The following NALF1 variants were observed in gnomAD, a reference collection of about 807,000 sequenced individuals.
NALF1 encodes the protein NALCN channel auxiliary factor 1.
Under a neutral mutation model 48.4 loss-of-function variants are expected in NALF1, and 3 were observed. That is an observed-to-expected ratio of 0.06 (90% CI 0.03 to 0.16). NALF1 has a LOEUF of 0.16. Among genes scored for constraint, NALF1 ranks in the 10% least tolerant of loss-of-function variants. NALF1 has a pLI of 1.00. For synonymous variants in NALF1, 262 were observed against 245.7 expected (o/e 1.07, Z -0.62); for missense variants, 526 against 571.5 (o/e 0.92, Z 0.81).
chr13:107,521,261 T>C (rs549078020), intron 1 of NALF1, among the ~76,000 whole-genome samples: 5 of 152,288 alleles, frequency 3.3e-5, no homozygotes, highest in Admixed American at 6.5e-5. Context: ...AGAAAATTCA[T>C]CCAGAGAAAA....
chr13:107,438,827 C>CAAAAAAAAAAATAAA lies in NALF1; in HGVS notation c.916-228073_916-228072insTTTATTTTTTTTTTT, dbSNP rs565938108. Among the ~76,000 whole-genome samples, 8 of 17,940 alleles carry CAAAAAAAAAAATAAA rather than the reference C, an allele frequency of 4.5e-4. 1 individual carries two copies. Among genetic ancestry groups the CAAAAAAAAAAATAAA allele is most frequent in the Non-Finnish European group, 8.4e-4 (8 of 9,528 alleles). The allele number at this position is 17,940 out of a possible 152,430, so 11.8% of individuals were successfully genotyped here. A position where few individuals can be genotyped will look rare whatever the true frequency, so the allele number is the denominator to read the frequency against. ...TGGATGACAGAGTGAGACTCCATCT[C>CAAAAAAAAAAATAAA]AAAAAAAAAAAAAAAAAAAAAAAAG... On this transcript the variant is annotated intron_variant, in intron 1 of 2. Transcript: ENST00000375915.
chr13:107,292,992 C>CTTTTTCTTTTTTTTTTTTT (rs745529749), intron 1 of NALF1, among the ~76,000 whole-genome samples: 3 of 110,678 alleles, frequency 2.7e-5, no homozygotes, highest in Non-Finnish European at 3.6e-5. Context: ...TTTTCTTTTT[C>CTTTTTCTTTTTTTTTTTTT]TTTTTTTTTT....
chr13:107,271,940 G>C (rs1178665532), intron 1 of NALF1, among the ~76,000 whole-genome samples: 1 of 151,302 alleles, frequency 6.6e-6, no homozygotes, highest in East Asian at 1.9e-4. Flanking sequence ...CTCTCTATAT[G>C]TTATAAGTAA....
At chr13:107,677,318 AG>A (rs1881157801) in intron 1 of NALF1, among the ~76,000 whole-genome samples, 1 of 152,226 alleles carries the variant, frequency 6.6e-6, no homozygotes, top group Non-Finnish European at 1.5e-5. Flanking sequence ...CTGGGATTAC[AG>A]GCATGAGCCA....
intron 1 of NALF1, among the ~76,000 whole-genome samples, chr13:107,392,463 G>A (rs1337811433): frequency 6.6e-6 from 1 of 152,086 alleles, no homozygotes; most frequent in Non-Finnish European, 1.5e-5. Flanking sequence ...TCTGATAGCA[G>A]AGATAGCCCT....
intron 1 of NALF1, among the ~76,000 whole-genome samples, chr13:107,792,211 T>A (rs191880169): frequency 6.6e-6 from 1 of 152,324 alleles, no homozygotes; most frequent in East Asian, 1.9e-4. Flanking sequence ...TCCTATTTGA[T>A]CCATACTAAA....
At chr13:107,765,609 A>C (rs1288823110) in intron 1 of NALF1, among the ~76,000 whole-genome samples, 1 of 152,136 alleles carries the variant, frequency 6.6e-6, no homozygotes, top group Non-Finnish European at 1.5e-5. Flanking sequence ...GATAGATTTA[A>C]AAGTGAAATT....
chr13:107,284,173 A>G (rs1420303648), intron 1 of NALF1, among the ~76,000 whole-genome samples: 1 of 152,098 alleles, frequency 6.6e-6, no homozygotes, highest in East Asian at 1.9e-4. Flanking sequence ...AAGCACTTAG[A>G]TATACAGGGG....
At chr13:107,588,672 C>T (rs749150069) in intron 1 of NALF1, among the ~76,000 whole-genome samples, 4 of 152,096 alleles carry the variant, frequency 2.6e-5, no homozygotes, top group Non-Finnish European at 5.9e-5. Flanking sequence ...TCTTTTAAAT[C>T]CACATCTGCA....
At chr13:107,604,343 G>C (rs991809037) in intron 1 of NALF1, among the ~76,000 whole-genome samples, 2 of 152,146 alleles carry the variant, frequency 1.3e-5, no homozygotes, top group South Asian at 4.2e-4. Context: ...TTAGAATTCA[G>C]TCTTTTTCCC....
At chr13:107,658,836 G>A (rs945421143) in intron 1 of NALF1, among the ~76,000 whole-genome samples, 4 of 151,780 alleles carry the variant, frequency 2.6e-5, no homozygotes, top group African/African-American at 7.3e-5. Flanking sequence ...TTAACACCAC[G>A]AAAATGGTAT....
At chr13:107,405,464 T>C (rs1336383554) in intron 1 of NALF1, among the ~76,000 whole-genome samples, 1 of 152,046 alleles carries the variant, frequency 6.6e-6, no homozygotes, top group East Asian at 1.9e-4. Flanking sequence ...TTGATCCACA[T>C]GTAGCTGCAG....
chr13:107,469,156 A>C (rs1885055428), intron 1 of NALF1, among the ~76,000 whole-genome samples: 1 of 152,110 alleles, frequency 6.6e-6, no homozygotes, highest in African/African-American at 2.4e-5. Flanking sequence ...ATCAGTCATA[A>C]AAAAAGGTGT....
intron 1 of NALF1, among the ~76,000 whole-genome samples, chr13:107,422,413 C>T (rs980043470): frequency 2.0e-5 from 3 of 152,102 alleles, no homozygotes; most frequent in African/African-American, 7.2e-5. Context: ...TTCCACGACA[C>T]ATTAGAGTTT....
chr13:107,585,378 GA>G (rs113082323), intron 1 of NALF1, among the ~76,000 whole-genome samples: 2 of 149,862 alleles, frequency 1.3e-5, no homozygotes, highest in Non-Finnish European at 3.0e-5. Context: ...AAATAGAATA[GA>G]AAAAAAAAAT....
At chr13:107,795,013 C>T (rs1229045135) in intron 1 of NALF1, among the ~76,000 whole-genome samples, 2 of 151,992 alleles carry the variant, frequency 1.3e-5, no homozygotes, top group Non-Finnish European at 2.9e-5. Flanking sequence ...TTAAGAGGCA[C>T]ATTAATGTGT....
At position 107,866,666 on chromosome 13, in the gene NALF1, A is replaced by G. The variant is rs1301451962; in HGVS notation, c.-70T>C. 1 of 1,314,400 alleles carries G rather than the reference A, an allele frequency of 7.6e-7. No individual in the cohort carries two copies. The highest frequency in any genetic ancestry group is 1.5e-5 in the African/African-American group (1 of 67,768). 81.4% of individuals were successfully genotyped at this position (1,314,400 alleles called of 1,614,324 possible). On this transcript the variant is annotated 5_prime_UTR_variant, in exon 1 of 3. The change abolishes an upstream ATG in the 5' untranslated region. Coordinates refer to ENST00000375915, the MANE Select transcript of NALF1 (RefSeq NM_001080396.3). This position sits in a 1 kb window ranked among gnomAD's most constrained non-coding sequence, Gnocchi z 4.4. Reference sequence around the variant, plus strand: ...CTGTGCCGGTGTCACCACAATATGCATTGACTTAAAGGGTTTAATTTCCTT... The same window carrying G: ...CTGTGCCGGTGTCACCACAATATGCGTTGACTTAAAGGGTTTAATTTCCTT...
At chr13:107,742,125 C>A (rs1331750461) in intron 1 of NALF1, among the ~76,000 whole-genome samples, 1 of 152,170 alleles carries the variant, frequency 6.6e-6, no homozygotes, top group Non-Finnish European at 1.5e-5. Flanking sequence ...CCTCATTCAG[C>A]GGGATCCAGT....
chr13:107,513,775 T>C (rs979636639), intron 1 of NALF1, among the ~76,000 whole-genome samples: 5 of 152,300 alleles, frequency 3.3e-5, no homozygotes, highest in Non-Finnish European at 7.4e-5. Flanking sequence ...GAGAACAGGA[T>C]GTGCCATCCC....
Sources: allele counts gnomAD v4.1 joint callset (sites outside exome capture counted in the v4.1 genomes callset), GRCh38; gene constraint gnomAD v4.1.1; non-coding constraint Gnocchi (gnomAD v3.1); transcripts MANE v1.5; gene names NCBI Gene and HGNC (gene_info 2026-07-23, HGNC 2026-07-21).